The following ICA1 variants were observed in gnomAD, a reference collection of about 807,000 sequenced individuals.
The protein encoded by ICA1 is 69 kDa islet cell autoantigen.
ICA1 carries 40 observed loss-of-function variants against 71.0 expected under a neutral mutation model. That is an observed-to-expected ratio of 0.56 (90% CI 0.44 to 0.73). The LOEUF is 0.73. Ranked by LOEUF, ICA1 falls within the 30% of genes least tolerant of loss-of-function variation. ICA1 has a pLI of 0.00. For missense variants in ICA1, 578 were observed against 576.5 expected, an observed-to-expected ratio of 1.00 and a Z score of -0.03; for synonymous variants, 207 against 209.5, an observed-to-expected ratio of 0.99 and a Z score of 0.10.
chr7:8,124,424 T>C (rs1027982623), intron 13 of ICA1, among the ~76,000 whole-genome samples: 3 of 149,200 alleles, frequency 2.0e-5, no homozygotes, highest in Non-Finnish European at 4.4e-5. Flanking sequence ...CAGCCGTGTA[T>C]AGGTAGATTT....
intron 6 of ICA1, among the ~76,000 whole-genome samples, chr7:8,182,460 C>G (rs939847220): frequency 1.4e-4 from 21 of 152,066 alleles, no homozygotes; most frequent in African/African-American, 5.1e-4. Flanking sequence ...GAAAGTTGGG[C>G]AGAGGAGAAG....
rs1227085702 is a variant in ICA1 at position 8,248,894 on chromosome 7, A to C, written c.-79-12889T>G. Among the ~76,000 whole-genome samples the C allele has an allele frequency of 2.0e-5, 3 of 152,212 alleles. No individual in the cohort carries two copies. The East Asian group carries it at 5.8e-4, about 29-fold the overall frequency. On this transcript the variant is annotated intron_variant, in intron 1 of 13. Transcript: ENST00000402384. ...CAATCTACGGTACAAATCTGTTCAT[A>C]TTCTATCATCACTGTGTTAGAGTCA... is the stretch of plus-strand genomic sequence containing the variant.
chr7:8,120,546 G>C (rs1431275590), intron 13 of ICA1, among the ~76,000 whole-genome samples: 1 of 152,166 alleles, frequency 6.6e-6, no homozygotes, highest in African/African-American at 2.4e-5. Flanking sequence ...AGTTGGCTGA[G>C]GCATTTTTAA....
chr7:8,189,970 T>C (rs887329898), intron 6 of ICA1, among the ~76,000 whole-genome samples: 1 of 152,206 alleles, frequency 6.6e-6, no homozygotes, highest in Non-Finnish European at 1.5e-5. Flanking sequence ...TTATTCGTAA[T>C]GAAGTAAGCC....
At chr7:8,189,217 T>C (rs1020032211) in intron 6 of ICA1, among the ~76,000 whole-genome samples, 7 of 152,192 alleles carry the variant, frequency 4.6e-5, no homozygotes, top group Admixed American at 6.5e-5. Context: ...GCCCAGAGCC[T>C]GCACAAAGCA....
At chr7:8,240,958 C>T (rs868578058) in intron 1 of ICA1, among the ~76,000 whole-genome samples, 12 of 152,144 alleles carry the variant, frequency 7.9e-5, no homozygotes, top group Admixed American at 1.3e-4. Flanking sequence ...CTGAAAGTGA[C>T]GGGGAGAATG....
chr7:8,235,240 T>C (rs1269925851), intron 2 of ICA1, among the ~76,000 whole-genome samples: 3 of 152,178 alleles, frequency 2.0e-5, no homozygotes, highest in Non-Finnish European at 4.4e-5. Flanking sequence ...ATGATACAAA[T>C]TAAAGAAAAT....
chr7:8,149,302 C>T (rs1403212423), intron 8 of ICA1, among the ~76,000 whole-genome samples: 1 of 152,218 alleles, frequency 6.6e-6, no homozygotes, highest in Non-Finnish European at 1.5e-5. Flanking sequence ...ATTAGCAGCA[C>T]ACAGAGTCAT....
rs143177569 is a variant in ICA1 at position 8,248,185 on chromosome 7, A to G, written c.-79-12180T>C. ...TTTAGTGGTAGAATTTTTCTCTTCC[A>G]TTCAGTGGGTAGCTTTTCTGTTGGT... On this transcript the variant is annotated intron_variant, in intron 1 of 13. Coordinates refer to ENST00000402384, the MANE Select transcript of ICA1 (RefSeq NM_001136020.3). Among the ~76,000 whole-genome samples the G allele has an allele frequency of 2.9e-3, 449 of 152,280 alleles. 2 individuals are homozygous for G. Among genetic ancestry groups the G allele is most frequent in the African/African-American group, 0.01 (435 of 41,570 alleles).
intron 4 of ICA1, chr7:8,227,721 G>A (rs1011836724): frequency 1.2e-5 from 5 of 414,118 alleles, no homozygotes; most frequent in East Asian, 7.8e-5. Flanking sequence ...AGCTGGGACT[G>A]CACATGCACG....
At chr7:8,118,296 G>C (rs1675552008) in intron 13 of ICA1, among the ~76,000 whole-genome samples, 1 of 152,186 alleles carries the variant, frequency 6.6e-6, no homozygotes, top group Admixed American at 6.5e-5. Flanking sequence ...GTTCTAAAAG[G>C]CATTGTTATT....
At chr7:8,174,771 A>AAAAAAAAACAAAAAGCC (rs1554310917) in intron 6 of ICA1, among the ~76,000 whole-genome samples, 2 of 106,038 alleles carry the variant, frequency 1.9e-5, no homozygotes, top group East Asian at 6.1e-4. Context: ...AAAAAAAAAA[A>AAAAAAAAACAAAAAGCC]AAAAAAAACA....
intron 6 of ICA1, among the ~76,000 whole-genome samples, chr7:8,210,710 T>C (rs569384253): frequency 2.6e-5 from 4 of 151,364 alleles, no homozygotes; most frequent in Non-Finnish European, 5.9e-5. Context: ...AGGAAAAAAA[T>C]TTTTTTTAAT....
At chr7:8,216,653 C>T (rs1795504824) in intron 6 of ICA1, among the ~76,000 whole-genome samples, 1 of 151,554 alleles carries the variant, frequency 6.6e-6, no homozygotes, top group Non-Finnish European at 1.5e-5. Context: ...TATTACCTGG[C>T]ACATAGGAGG....
intron 6 of ICA1, among the ~76,000 whole-genome samples, chr7:8,160,218 TA>T (rs1803255659): frequency 6.6e-6 from 1 of 152,204 alleles, no homozygotes; most frequent in Admixed American, 6.5e-5. Flanking sequence ...AATAAATACA[TA>T]GATCATTTTA....
chr7:8,254,726 G>T (rs979737995), intron 1 of ICA1, among the ~76,000 whole-genome samples: 7 of 151,846 alleles, frequency 4.6e-5, no homozygotes, highest in Admixed American at 2.0e-4. Flanking sequence ...CAGGTTAGGA[G>T]TGCAGAGAAG....
At chr7:8,208,971 T>C (rs1792637688) in intron 6 of ICA1, among the ~76,000 whole-genome samples, 1 of 152,186 alleles carries the variant, frequency 6.6e-6, no homozygotes, top group Non-Finnish European at 1.5e-5. Context: ...ACTTGATGGT[T>C]CCACTCAGTA....
At chr7:8,142,968 C>A (rs1795723913) in intron 9 of ICA1, among the ~76,000 whole-genome samples, 1 of 152,186 alleles carries the variant, frequency 6.6e-6, no homozygotes, top group East Asian at 1.9e-4. Context: ...TTGGCAGCAA[C>A]TTTTCCTGTG....
chr7:8,152,617 CCT>C (rs1799354388), intron 8 of ICA1, among the ~76,000 whole-genome samples: 4 of 139,918 alleles, frequency 2.9e-5, no homozygotes, highest in African/African-American at 7.7e-5. Flanking sequence ...ACCACCATCA[CCT>C]CTTCCACCAC....
Sources: allele counts gnomAD v4.1 joint callset (sites outside exome capture counted in the v4.1 genomes callset), GRCh38; gene constraint gnomAD v4.1.1; transcripts MANE v1.5; gene names NCBI Gene and HGNC (gene_info 2026-07-23, HGNC 2026-07-21).